Variants in NEK4 observed in about 807,000 individuals in gnomAD.
NEK4 encodes NIMA related kinase 4, also known as serine/threonine-protein kinase Nek4.
NEK4 carries 86 observed loss-of-function variants against 98.4 expected under a neutral mutation model. The ratio of observed to expected loss-of-function variants is 0.87; its 90% CI spans 0.73 to 1.05. The LOEUF (loss-of-function observed/expected upper bound fraction) is 1.05, where lower values mean the gene tolerates loss of function less well. Among genes scored for constraint, NEK4 ranks in the 50% least tolerant of loss-of-function variants. NEK4 has a pLI of 0.00. For synonymous variants in NEK4, 328 were observed against 342.2 expected (o/e 0.96, Z 0.46); for missense variants, 898 against 950.3 (o/e 0.94, Z 0.72).
chr3:52,734,452 C>CA lies in NEK4; in HGVS notation c.2433+3133dup, dbSNP rs76013023. ...TAGGTAACAGAGTGAGACTCCAACT[C>CA]AAAAAAAAAAAAAAGATCGAGACCA... On this transcript the variant is annotated intron_variant, in intron 15 of 15. Coordinates refer to ENST00000233027, the MANE Select transcript of NEK4 (RefSeq NM_003157.6). Among the ~76,000 whole-genome samples the CA allele has an allele frequency of 3.8e-3, 379 of 100,562 alleles. 2 individuals carry two copies. The highest frequency in any genetic ancestry group is 0.012 in the African/African-American group (306 of 26,194). 66.0% of individuals were successfully genotyped at this position (100,562 alleles called of 152,430 possible).
Position 52,770,833 on chromosome 3 carries a change from G to C in NEK4, c.-87C>G. 8.2e-7 allele frequency: 1 copy of C among 1,223,562 alleles called. No individual in the cohort carries two copies. Among genetic ancestry groups the C allele is most frequent in the South Asian group, 1.3e-5 (1 of 77,604 alleles). 75.8% of individuals were successfully genotyped at this position (1,223,562 alleles called of 1,614,324 possible). ...AACAAGAAGCTCGGTTCATGCCCGA[G>C]AGGGGGCAGTGGGGGCGGCTGTTGA... On this transcript the variant is annotated 5_prime_UTR_variant, in exon 1 of 16. Transcript: ENST00000233027.
intron 14 of NEK4, 44 bp from the exon 15 acceptor site, chr3:52,737,763 AC>A: frequency 6.7e-7 from 1 of 1,488,006 alleles, no homozygotes; most frequent in Non-Finnish European, 9.2e-7. Context: ...AAACACTTTT[AC>A]CACTATAGCA....
intron 15 of NEK4, among the ~76,000 whole-genome samples, chr3:52,725,541 A>AC (rs2097363766): frequency 6.6e-6 from 1 of 151,926 alleles, no homozygotes. Context: ...CAAAAAAAAA[A>AC]CATATAATGT....
At chr3:52,752,955 A>ACACACACACACACACACACAC (rs1559441493) in intron 6 of NEK4, among the ~76,000 whole-genome samples, 119 of 125,668 alleles carry the variant, frequency 9.5e-4, no homozygotes, top group African/African-American at 3.8e-3. Context: ...CACACACACA[A>ACACACACACACACACACACAC]TGGAATATTT....
chr3:52,722,763 G>A (rs78900970), intron 15 of NEK4, among the ~76,000 whole-genome samples: 4,185 of 152,092 alleles, frequency 0.028, 208 homozygotes, highest in African/African-American at 0.095. Flanking sequence ...AAAATAGCTG[G>A]GTGTGGTGGC....
rs1338917509 is a variant in NEK4 at position 52,768,579 on chromosome 3, C to T, written c.119G>A (p.Arg40Gln). Residue 40 changes from arginine (R) to glutamine (Q), a missense_variant, in exon 2 of 16, where the codon CGA becomes CAA. Physicochemically the swap from Arg to Gln is conservative, Grantham distance 43 (BLOSUM62 1). Transcript: ENST00000233027. ...TCGCCGCTCTCGGCTAGAGGCATTTCGGAGGTTCAGTTTTTTGATGACATA... is the reference window on the plus strand; with the variant it reads ...TCGCCGCTCTCGGCTAGAGGCATTTTGGAGGTTCAGTTTTTTGATGACATA... ...KQYVIKKLNL[R>Q]NASSRERRAA... 10 of 1,613,962 alleles carry T rather than the reference C, an allele frequency of 6.2e-6. No homozygotes were observed. The Middle Eastern group carries it at 4.9e-4, about 80-fold the overall frequency.
rs752648674 is a variant in NEK4, at chr3:52,752,209, C to T, written c.1091G>A (p.Ser364Asn). 4 of 1,614,090 alleles carry T rather than the reference C, an allele frequency of 2.5e-6. No individual in the cohort carries two copies. The highest frequency in any genetic ancestry group is 3.4e-6 in the Non-Finnish European group (4 of 1,180,062). The change falls in exon 7 of 16, where the codon AGC (serine) becomes AAC (asparagine). Residue 364 changes from serine (S) to asparagine (N), a missense_variant. Coordinates refer to ENST00000233027, the MANE Select transcript of NEK4 (RefSeq NM_003157.6). The part of the protein sequence containing the change: ...SNTTELATIS[S>N]VNIDILPAKG... ...TGCAGGTAAGATGTCAATATTTACGCTACTGATTGTGGCTAGTTCTGTGGT... is the reference window on the plus strand; with the variant it reads ...TGCAGGTAAGATGTCAATATTTACGTTACTGATTGTGGCTAGTTCTGTGGT...
chr3:52,746,015 G>A (rs977118729), intron 10 of NEK4, 46 bp downstream of exon 10: 39 of 1,572,594 alleles, frequency 2.5e-5, no homozygotes, highest in African/African-American at 2.0e-4. Context: ...GATACACCAC[G>A]TCTGGTTATA....
intron 8 of NEK4, among the ~76,000 whole-genome samples, chr3:52,747,867 T>C (rs972793645): frequency 2.6e-5 from 4 of 151,634 alleles, no homozygotes; most frequent in East Asian, 3.9e-4. Flanking sequence ...ATTGTATGAG[T>C]CCAGGAGGTC....
Position 52,741,452 on chromosome 3 carries a change from A to G in NEK4, c.2052T>C (p.Ser684=). 1 of 1,611,314 alleles carries G rather than the reference A, an allele frequency of 6.2e-7. No individual in the cohort carries two copies. Among genetic ancestry groups the G allele is most frequent in the Non-Finnish European group, 8.5e-7 (1 of 1,177,530 alleles). Reference sequence around the variant, plus strand: ...CATCTGACTTATCAGTTGAACTTGTAGAAGAACTTAACTCATCCTCAGACA... The same window carrying G: ...CATCTGACTTATCAGTTGAACTTGTGGAAGAACTTAACTCATCCTCAGACA... ...HCLSEDELSS[S]TSSTDKSDGD... is the part of the protein sequence containing the mutation. The change falls in exon 13 of 16, where the codon TCT becomes TCC. Residue 684 remains serine, a synonymous_variant. Coordinates refer to ENST00000233027, the MANE Select transcript of NEK4 (RefSeq NM_003157.6).
chr3:52,770,619 G>GGCCCCC, intron 1 of NEK4, 35 bp downstream of exon 1: 2 of 954,752 alleles, frequency 2.1e-6, no homozygotes, highest in Non-Finnish European at 3.2e-6. Flanking sequence ...ACTTCTGCCC[G>GGCCCCC]CCCCCGCCCC....
At chr3:52,729,034 T>C (rs561537499) in intron 15 of NEK4, among the ~76,000 whole-genome samples, 103 of 152,322 alleles carry the variant, frequency 6.8e-4, no homozygotes, top group African/African-American at 2.2e-3. Flanking sequence ...CAGCTGAACA[T>C]AGACCCTTAT....
chr3:52,736,184 T>C (rs2097375546), intron 15 of NEK4, among the ~76,000 whole-genome samples: 1 of 152,244 alleles, frequency 6.6e-6, no homozygotes, highest in Non-Finnish European at 1.5e-5. Flanking sequence ...AAAATACAAG[T>C]GCCAGTAAGT....
In NEK4 at chr3:52,739,439, C is replaced by G. The variant is rs146157054; in HGVS notation, c.2289G>C (p.Glu763Asp). The G allele has an allele frequency of 1.0e-4, 161 of 1,613,722 alleles. No individual in the cohort carries two copies. In the African/African-American group the frequency reaches 1.8e-3, roughly 18 times the overall value. Residue 763 changes from glutamate (E) to aspartate (D), a missense_variant, in exon 14 of 16, where the codon GAG (glutamate) becomes GAC (aspartate). Transcript: ENST00000233027. ...AEEAEEIHFK[E>D]LPSAIMPGSE... ...TAATAAGCTGATCACCTGAAGGTAGCTCTTTAAAATGGATTTCCTCTGCCT... is the reference window on the plus strand; with the variant it reads ...TAATAAGCTGATCACCTGAAGGTAGGTCTTTAAAATGGATTTCCTCTGCCT...
intron 4 of NEK4, among the ~76,000 whole-genome samples, chr3:52,764,624 CTG>C (rs1042329318): frequency 2.0e-5 from 3 of 151,036 alleles, no homozygotes; most frequent in African/African-American, 7.3e-5. Context: ...GAGTGAGACT[CTG>C]TCTCAAAAAA....
intron 15 of NEK4, among the ~76,000 whole-genome samples, chr3:52,724,169 G>T (rs1052047628): frequency 5.9e-5 from 9 of 151,542 alleles, no homozygotes; most frequent in Admixed American, 3.3e-4. Context: ...GGAGACAGAG[G>T]TTGCAGTGAG....
At chr3:52,759,588 G>A (rs771304682) in intron 6 of NEK4, among the ~76,000 whole-genome samples, 1 of 152,086 alleles carries the variant, frequency 6.6e-6, no homozygotes, top group Non-Finnish European at 1.5e-5. Flanking sequence ...ATTAGTGCCG[G>A]CAAAGATGTG....
intron 6 of NEK4, among the ~76,000 whole-genome samples, chr3:52,759,223 A>G (rs11130327): frequency 0.36 from 53,871 of 151,596 alleles, 10,245 homozygotes; most frequent in Admixed American, 0.47. Flanking sequence ...CCTGGGCAAC[A>G]TAGTAAGACA....
chr3:52,726,461 T>C (rs995410094), intron 15 of NEK4, among the ~76,000 whole-genome samples: 1 of 151,856 alleles, frequency 6.6e-6, no homozygotes, highest in Non-Finnish European at 1.5e-5. Flanking sequence ...TAGCTGGGCA[T>C]GGTGGCGGGC....
Sources: gnomAD v4.1 joint callset for allele counts (sites outside exome capture counted in the v4.1 genomes callset) on GRCh38, gnomAD v4.1.1 for gene constraint, MANE v1.5 for transcripts, NCBI Gene and HGNC (gene_info 2026-07-23, HGNC 2026-07-21) for gene names.